The following PXK variants were observed in gnomAD, a reference collection of about 807,000 sequenced individuals.
PXK encodes the protein PX domain-containing protein kinase-like protein.
PXK carries 35 observed loss-of-function variants against 84.7 expected under a neutral mutation model. That is an observed-to-expected ratio of 0.41 (90% CI 0.32 to 0.55). The LOEUF (loss-of-function observed/expected upper bound fraction) is 0.55, where lower values mean the gene tolerates loss of function less well. Ranked by LOEUF, PXK falls within the 20% of genes least tolerant of loss-of-function variation. PXK has a pLI of 0.21. For synonymous variants in PXK, 253 were observed against 260.8 expected (o/e 0.97, Z 0.29); for missense variants, 634 against 699.7 (o/e 0.91, Z 1.06).
chr3:58,333,382 G>A lies in PXK; in HGVS notation c.102+292G>A. 2 of 291,226 alleles carry A rather than the reference G, an allele frequency of 6.9e-6. No homozygotes were observed. The highest frequency in any genetic ancestry group is 5.6e-5 in the South Asian group (2 of 35,970). 18.0% of individuals were successfully genotyped at this position (291,226 alleles called of 1,614,324 possible). A position where few individuals can be genotyped will look rare whatever the true frequency, so the allele number is the denominator to read the frequency against. On this transcript the variant is annotated intron_variant, in intron 1 of 17. Transcript: ENST00000356151. This position sits in a 1 kb window ranked among gnomAD's most constrained non-coding sequence, Gnocchi z 5.4. ...AGCGACTCCGAGTTGGGGGGCGGGG[G>A]CGGGGGCTGCGGGATTCCCGGGCTC... is the stretch of plus-strand genomic sequence containing the variant.
intron 3 of PXK, among the ~76,000 whole-genome samples, chr3:58,378,342 A>G (rs1269982378): frequency 1.3e-5 from 2 of 151,898 alleles, no homozygotes; most frequent in Non-Finnish European, 1.5e-5. Flanking sequence ...CAGTAGATAA[A>G]TCCCAGGGCA....
intron 1 of PXK, among the ~76,000 whole-genome samples, chr3:58,337,567 T>C (rs552339517): frequency 4.1e-4 from 62 of 152,152 alleles, no homozygotes; most frequent in African/African-American, 1.5e-3. Context: ...GTCTCCTGGC[T>C]CAAGGAATAC....
intron 17 of PXK, chr3:58,422,354 G>A (rs1217487335): frequency 1.0e-6 from 1 of 985,246 alleles, no homozygotes; most frequent in Non-Finnish European, 1.2e-6. Context: ...CATGGTTGTT[G>A]TAGGCCCAGT....
rs2060415260 is a variant in PXK, at chr3:58,412,926, C to T, written c.1491C>T (p.Leu497=). Residue 497 remains leucine (L), a synonymous_variant, in exon 17 of 18, where the codon CTC becomes CTT. Transcript: ENST00000356151. The surrounding 1 kb of genome is among the most constrained non-coding windows in gnomAD (Gnocchi z 6.2). ...NSAGSGASSP[L]TSPSSPTPPS... is the part of the protein sequence containing the mutation. ...CAGGATCTGGGGCCAGCTCACCTCT[C>T]ACGTCCCCGTCATCGCCAACTCCAC... is the stretch of plus-strand genomic sequence containing the variant. The T allele has an allele frequency of 1.9e-6, 3 of 1,614,066 alleles. No homozygotes were observed. In the African/African-American group the frequency reaches 4.0e-5, roughly 22 times the overall value.
Position 58,382,634 on chromosome 3 carries a change from A to G in PXK, c.322A>G (p.Ile108Val). The G allele has an allele frequency of 1.2e-6, 2 of 1,600,320 alleles. No individual in the cohort carries two copies. The highest frequency in any genetic ancestry group is 2.3e-5 in the East Asian group (1 of 44,080). Residue 108 changes from isoleucine to valine, a missense_variant, in exon 4 of 18, where the codon ATC becomes GTC. Around this residue, in one of 3 missense-constraint regions of PXK, gnomAD observed 353 missense variants for 385.2 expected, o/e 0.92. Transcript: ENST00000356151. ...TCTCAACGTGATCACAACAAATCAT[A>G]TCTTGTCTAATTGTGAGCTGGTTAA... ...NYLNVITTNH[I>V]LSNCELVKKF...
chr3:58,422,843 G>A (rs1260500549), intron 17 of PXK: 9 of 985,260 alleles, frequency 9.1e-6, no homozygotes, highest in Non-Finnish European at 8.4e-6. Flanking sequence ...GAACTCCCAA[G>A]TACCGCCGCA....
chr3:58,404,462 C>T (rs1315203678), intron 13 of PXK, among the ~76,000 whole-genome samples: 1 of 152,212 alleles, frequency 6.6e-6, no homozygotes, highest in East Asian at 1.9e-4. Flanking sequence ...CTTGCCCCCT[C>T]TCCTGCACTG....
chr3:58,397,708 C>T lies in PXK; in HGVS notation c.1088C>T (p.Pro363Leu), dbSNP rs201628646. 13 of 1,613,498 alleles carry T rather than the reference C, an allele frequency of 8.1e-6. No individual in the cohort carries two copies. The highest frequency in any genetic ancestry group is 6.7e-5 in the East Asian group (3 of 44,878). ...SVPVDSFPPA[P>L]SMAVVAVLES... ...CCTGTGGACTCCTTCCCTCCTGCCC[C>T]GTCCATGGCTGTGGGTCAGTATGGG... Residue 363 changes from proline (P) to leucine (L), a missense_variant, in exon 11 of 18, where the codon CCG becomes CTG. Transcript: ENST00000356151. This position sits in a 1 kb window ranked among gnomAD's most constrained non-coding sequence, Gnocchi z 4.7.
In PXK at chr3:58,398,008, A is replaced by G. The variant is rs900325058; in HGVS notation, c.1102+286A>G. Among the ~76,000 whole-genome samples the G allele has an allele frequency of 6.6e-6, 1 of 152,212 alleles. No homozygotes were observed. Among genetic ancestry groups the G allele is most frequent in the Non-Finnish European group, 1.5e-5 (1 of 68,044 alleles). On this transcript the variant is annotated intron_variant, in intron 11 of 17. Transcript: ENST00000356151. This position sits in a 1 kb window ranked among gnomAD's most constrained non-coding sequence, Gnocchi z 4.5. Reference sequence around the variant, plus strand: ...GGATGTAAAGAGAAGTATGGCCTGCATGAGTGTGATGCAGAAGCTAGAGCC... The same window carrying G: ...GGATGTAAAGAGAAGTATGGCCTGCGTGAGTGTGATGCAGAAGCTAGAGCC...
At position 58,390,845 on chromosome 3, in the gene PXK, C is replaced by T. The variant is rs1456372136; in HGVS notation, c.466+186C>T. Among the ~76,000 whole-genome samples, 1 of 152,200 alleles carries T rather than the reference C, an allele frequency of 6.6e-6. No individual in the cohort carries two copies. Among genetic ancestry groups the T allele is most frequent in the Non-Finnish European group, 1.5e-5 (1 of 68,034 alleles). ...ACTTAATGAACCTTGGTTAAAGCCC[C>T]ATCAAAGCATTTGGATGGTAATAAC... On this transcript the variant is annotated intron_variant, in intron 5 of 17. Transcript: ENST00000356151. This position sits in a 1 kb window ranked among gnomAD's most constrained non-coding sequence, Gnocchi z 4.2.
Position 58,390,036 on chromosome 3 carries a change from G to C in PXK, c.389-546G>C, listed in dbSNP as rs1186090249. On this transcript the variant is annotated intron_variant, in intron 4 of 17. Transcript: ENST00000356151. The surrounding 1 kb of genome is among the most constrained non-coding windows in gnomAD (Gnocchi z 4.2). ...AAAAAAAAAAAAAACAATTTAGCCAGGCGTGATGGCCCATGCTTGTAGTCC... is the reference window on the plus strand; with the variant it reads ...AAAAAAAAAAAAAACAATTTAGCCACGCGTGATGGCCCATGCTTGTAGTCC... Among the ~76,000 whole-genome samples, 1 of 149,498 alleles carries C rather than the reference G, an allele frequency of 6.7e-6. No individual in the cohort carries two copies.
intron 1 of PXK, among the ~76,000 whole-genome samples, chr3:58,365,579 T>C (rs1053711065): frequency 4.6e-5 from 7 of 152,248 alleles, no homozygotes; most frequent in Admixed American, 3.3e-4. Flanking sequence ...CAGAGGAGTA[T>C]TGAAGTCTTC....
chr3:58,406,079 G>C (rs986213169), intron 13 of PXK, among the ~76,000 whole-genome samples: 2 of 143,550 alleles, frequency 1.4e-5, no homozygotes, highest in African/African-American at 5.1e-5. Context: ...AAGCAATTCT[G>C]CTTCAGCCTC....
chr3:58,423,603 AACTT>A (rs1348802605), intron 17 of PXK: 2 of 1,509,338 alleles, frequency 1.3e-6, no homozygotes, highest in Non-Finnish European at 1.8e-6. Context: ...CGTCCATACA[AACTT>A]AAGTAGGGTA....
chr3:58,356,066 G>A lies in PXK; in HGVS notation c.103-9808G>A, dbSNP rs75374467. Among the ~76,000 whole-genome samples, 842 of 152,322 alleles carry A rather than the reference G, an allele frequency of 5.5e-3. 9 individuals carry two copies. The highest frequency in any genetic ancestry group is 0.019 in the African/African-American group (804 of 41,574). On this transcript the variant is annotated intron_variant, in intron 1 of 17. Coordinates refer to ENST00000356151, the MANE Select transcript of PXK (RefSeq NM_017771.5). ...AATTCCCAGCACATGATCAGTACTGGTTTTAAGTTAATTATCTCTTTTCCT... is the reference window on the plus strand; with the variant it reads ...AATTCCCAGCACATGATCAGTACTGATTTTAAGTTAATTATCTCTTTTCCT...
chr3:58,367,153 T>G (rs947831959), intron 2 of PXK, among the ~76,000 whole-genome samples: 8 of 152,180 alleles, frequency 5.3e-5, no homozygotes, highest in African/African-American at 1.9e-4. Context: ...AGAGGTGTGA[T>G]ACCTTTCTTC....
Position 58,332,928 on chromosome 3 carries a change from G to C in PXK, c.-61G>C, listed in dbSNP as rs2097520111. 1.8e-6 allele frequency: 2 copies of C among 1,089,836 alleles called. No individual in the cohort carries two copies. Among genetic ancestry groups the C allele is most frequent in the Admixed American group, 3.6e-5 (1 of 27,740 alleles). The allele number at this position is 1,089,836 out of a possible 1,614,324, so 67.5% of individuals were successfully genotyped here. A position where few individuals can be genotyped will look rare whatever the true frequency, so the allele number is the denominator to read the frequency against. ...CGGCGGTGGAACCGGGCGGGCGGCG[G>C]GAGTCGGCGCCTCGGGTTCCTACCT... On this transcript the variant is annotated 5_prime_UTR_variant, in exon 1 of 18. Coordinates refer to ENST00000356151, the MANE Select transcript of PXK (RefSeq NM_017771.5). The surrounding 1 kb of genome is among the most constrained non-coding windows in gnomAD (Gnocchi z 5.6).
In PXK at chr3:58,374,694, GT is replaced by G. The variant is rs1342253876; in HGVS notation, c.201+5217del. 2.0e-5 allele frequency among the ~76,000 whole-genome samples: 3 copies of G among 152,242 alleles called. No individual in the cohort carries two copies. The East Asian group carries it at 5.8e-4, about 29-fold the overall frequency. On this transcript the variant is annotated intron_variant, in intron 3 of 17. Transcript: ENST00000356151. ...TGGCTTAGAGACTTTATTATTCCAT[GT>G]GTAGTATTTTTTTCCCTCCCTTCTA...
rs1171015511 is a variant in PXK, at chr3:58,364,478, G to A, written c.103-1396G>A. Among the ~76,000 whole-genome samples the A allele has an allele frequency of 9.2e-5, 14 of 152,238 alleles. No individual in the cohort carries two copies. Among genetic ancestry groups the A allele is most frequent in the African/African-American group, 3.1e-4 (13 of 41,542 alleles). On this transcript the variant is annotated intron_variant, in intron 1 of 17. Coordinates refer to ENST00000356151, the MANE Select transcript of PXK (RefSeq NM_017771.5). The surrounding 1 kb of genome is among the most constrained non-coding windows in gnomAD (Gnocchi z 4.3). Reference sequence around the variant, plus strand: ...TGTAATCCCAGCACTTTGGGAGGCCGAGGTGGGCGGATTACTTGAGGTCAG... The same window carrying A: ...TGTAATCCCAGCACTTTGGGAGGCCAAGGTGGGCGGATTACTTGAGGTCAG...
Sources: gnomAD v4.1 joint callset for allele counts (sites outside exome capture counted in the v4.1 genomes callset) on GRCh38, gnomAD v4.1.1 for gene constraint, gnomAD v4.1.1 regional missense constraint, Gnocchi (gnomAD v3.1) non-coding constraint, MANE v1.5 for transcripts, NCBI Gene and HGNC (gene_info 2026-07-23, HGNC 2026-07-21) for gene names.